SNX24: variants seen among roughly 807,000 people sequenced by gnomAD.
SNX24 encodes sorting nexin 24, also known as sorting nexin-24.
Under a neutral mutation model 28.7 loss-of-function variants are expected in SNX24, and 22 were observed. That is an observed-to-expected ratio of 0.77 (90% CI 0.55 to 1.10). The LOEUF (loss-of-function observed/expected upper bound fraction) is 1.10. Ranked by LOEUF, SNX24 falls within the 50% of genes least tolerant of loss-of-function variation. The pLI is 0.00. For missense variants in SNX24, 221 were observed against 201.1 expected (o/e 1.10, Z -0.60); for synonymous variants, 69 against 71.5 (o/e 0.96, Z 0.18).
intron 1 of SNX24, among the ~76,000 whole-genome samples, chr5:122,867,383 C>T (rs1481613383): frequency 6.6e-6 from 1 of 152,166 alleles, no homozygotes; most frequent in Non-Finnish European, 1.5e-5. Flanking sequence ...ATGTGTATTC[C>T]AGTAAGGACA....
rs541612856 is a variant in SNX24 at position 122,915,239 on chromosome 5, C to T, written c.61-21495C>T. Reference sequence around the variant, plus strand: ...CCATCATCACTCTCCCTCCCATTGCCCTGTCATCTCACCCTGGTCTGCTGT... The same window carrying T: ...CCATCATCACTCTCCCTCCCATTGCTCTGTCATCTCACCCTGGTCTGCTGT... On this transcript the variant is annotated intron_variant, in intron 1 of 6. Transcript: ENST00000261369. Among the ~76,000 whole-genome samples the T allele has an allele frequency of 9.9e-4, 151 of 152,264 alleles. 1 individual carries two copies. The highest frequency in any genetic ancestry group is 3.5e-3 in the African/African-American group (147 of 41,546).
intron 3 of SNX24, among the ~76,000 whole-genome samples, chr5:122,966,590 G>A (rs1211735718): frequency 6.6e-6 from 1 of 152,206 alleles, no homozygotes; most frequent in Admixed American, 6.5e-5. Context: ...GAGGCTGGTG[G>A]CAGTTTGGGC....
intron 5 of SNX24, among the ~76,000 whole-genome samples, chr5:123,019,342 G>A (rs1353817038): frequency 6.7e-6 from 1 of 148,372 alleles, no homozygotes; most frequent in African/African-American, 2.5e-5. Context: ...AAGCTTTCTA[G>A]ATCAAAGATT....
chr5:122,858,322 T>C (rs1755301644), intron 1 of SNX24, among the ~76,000 whole-genome samples: 1 of 152,214 alleles, frequency 6.6e-6, no homozygotes, highest in African/African-American at 2.4e-5. Flanking sequence ...CACATGCTAT[T>C]GGAAAAATGC....
chr5:122,963,719 G>A (rs1175382423), intron 3 of SNX24, among the ~76,000 whole-genome samples: 1 of 152,260 alleles, frequency 6.6e-6, no homozygotes, highest in Non-Finnish European at 1.5e-5. Context: ...TTAGCTTGAT[G>A]ACTCCAGTTT....
intron 6 of SNX24, among the ~76,000 whole-genome samples, chr5:123,004,138 C>CAG (rs1157161220): frequency 6.6e-6 from 1 of 152,164 alleles, no homozygotes; most frequent in African/African-American, 2.4e-5. Flanking sequence ...CCTACAAAGT[C>CAG]AGAGGAGTGT....
At chr5:122,949,806 A>G (rs1759852306) in intron 3 of SNX24, among the ~76,000 whole-genome samples, 1 of 152,208 alleles carries the variant, frequency 6.6e-6, no homozygotes, top group East Asian at 1.9e-4. Context: ...AACAAATTCT[A>G]AAACAAAAAC....
rs181087436 is a variant in SNX24, at chr5:122,941,438, C to T, written c.145-4617C>T. Among the ~76,000 whole-genome samples the T allele has an allele frequency of 2.1e-3, 325 of 152,258 alleles. 2 individuals are homozygous for T. Among genetic ancestry groups the T allele is most frequent in the African/African-American group, 7.6e-3 (316 of 41,526 alleles). ...GGCTACCCACCTATCTTTGCCATGT[C>T]GAATGTCTTTTCCTGTGTGTTCTGA... On this transcript the variant is annotated intron_variant, in intron 2 of 6. Transcript: ENST00000261369.
At chr5:122,996,306 C>G (rs1241579489) in intron 3 of SNX24, among the ~76,000 whole-genome samples, 2 of 152,202 alleles carry the variant, frequency 1.3e-5, no homozygotes, top group African/African-American at 4.8e-5. Context: ...GTGCATCAGG[C>G]TCCAGGCCAA....
intron 3 of SNX24, among the ~76,000 whole-genome samples, chr5:122,990,053 C>T (rs1450519661): frequency 2.0e-5 from 3 of 152,178 alleles, no homozygotes; most frequent in African/African-American, 4.8e-5. Flanking sequence ...AGAGGCCAAG[C>T]CCCTCCTCCT....
chr5:123,009,322 T>G (rs1762514208), downstream of SNX24: 2 of 499,250 alleles, frequency 4.0e-6, no homozygotes, highest in Non-Finnish European at 5.2e-6. Context: ...CATAGATGTT[T>G]ATTTCTAATA....
chr5:122,950,248 T>C (rs1442682403), intron 3 of SNX24, among the ~76,000 whole-genome samples: 1 of 152,206 alleles, frequency 6.6e-6, no homozygotes, highest in African/African-American at 2.4e-5. Flanking sequence ...TCATCTACTT[T>C]GGAGGATGTT....
rs57930558 is a variant in SNX24 at position 122,932,858 on chromosome 5, C to CAAAAAAAAAA, written c.61-3859_61-3850dup. On this transcript the variant is annotated intron_variant, in intron 1 of 6. Coordinates refer to ENST00000261369, the MANE Select transcript of SNX24 (RefSeq NM_014035.4). ...GGGGCGACAGAGCAAGACTCTGTCTCAAAAAAAAAAAAAAAAAAAAAAAAA... is the reference window on the plus strand; with the variant it reads ...GGGGCGACAGAGCAAGACTCTGTCTCAAAAAAAAAAAAAAAAAAAAAAAAAAAAAAAAAAA... 9.1e-5 allele frequency among the ~76,000 whole-genome samples: 8 copies of CAAAAAAAAAA among 88,014 alleles called. 1 individual carries two copies. Among genetic ancestry groups the CAAAAAAAAAA allele is most frequent in the African/African-American group, 9.6e-5 (2 of 20,920 alleles). 57.7% of individuals were successfully genotyped at this position (88,014 alleles called of 152,430 possible).
chr5:122,907,587 TG>T (rs1757694448), intron 1 of SNX24, among the ~76,000 whole-genome samples: 1 of 152,216 alleles, frequency 6.6e-6, no homozygotes, highest in Non-Finnish European at 1.5e-5. Flanking sequence ...ATTCCAGACA[TG>T]TACTAATTTA....
intron 5 of SNX24, chr5:123,028,988 C>G (rs10066632): frequency 7.7e-6 from 7 of 913,592 alleles, no homozygotes; most frequent in Non-Finnish European, 6.5e-6. Flanking sequence ...GAACTTGATT[C>G]TATCCCAGCT....
At position 122,907,757 on chromosome 5, in the gene SNX24, G is replaced by C. The variant is rs147018861; in HGVS notation, c.61-28977G>C. Among the ~76,000 whole-genome samples, 1,261 of 152,150 alleles carry C rather than the reference G, an allele frequency of 8.3e-3. 18 individuals carry two copies. Among genetic ancestry groups the C allele is most frequent in the African/African-American group, 0.029 (1,196 of 41,524 alleles). On this transcript the variant is annotated intron_variant, in intron 1 of 6. Coordinates refer to ENST00000261369, the MANE Select transcript of SNX24 (RefSeq NM_014035.4). ...TCCTGTTTATAAGGAAAATTGAATT[G>C]TATCTCAAGTTATCAATTTTTATTT... is the stretch of plus-strand genomic sequence containing the variant.
intron 3 of SNX24, among the ~76,000 whole-genome samples, chr5:122,989,063 TATAGCA>T (rs1342754489): frequency 6.6e-6 from 1 of 152,224 alleles, no homozygotes; most frequent in Non-Finnish European, 1.5e-5. Context: ...TCTCTCTTTT[TATAGCA>T]ATCATGCTAC....
intron 3 of SNX24, 50 bp from the exon 4 acceptor site, chr5:122,999,862 C>G (rs1411480073): frequency 1.9e-6 from 2 of 1,047,954 alleles, no homozygotes; most frequent in African/African-American, 3.1e-5. Context: ...TTTGATTGAT[C>G]ACCTAGCAAA....
At chr5:122,983,085 G>C (rs1761456676) in intron 3 of SNX24, 1 of 151,808 alleles carries the variant, frequency 6.6e-6, no homozygotes, top group African/African-American at 2.4e-5. Context: ...GACCACTGGT[G>C]CTATTTTTCA....
Sources: gnomAD v4.1 joint callset for allele counts (sites outside exome capture counted in the v4.1 genomes callset) on GRCh38, gnomAD v4.1.1 for gene constraint, MANE v1.5 for transcripts, NCBI Gene and HGNC (gene_info 2026-07-23, HGNC 2026-07-21) for gene names.